Variants in KCNK13 observed in about 807,000 individuals in gnomAD.
KCNK13 encodes the protein potassium channel subfamily K member 13.
A neutral mutation model predicts 23.4 loss-of-function variants in KCNK13; 12 were observed. That is an observed-to-expected ratio of 0.51 (90% CI 0.33 to 0.83). The LOEUF is 0.83. KCNK13 is among the 40% of genes least tolerant of loss of function. The pLI is 0.02. For missense variants in KCNK13, 463 were observed against 556.3 expected, an observed-to-expected ratio of 0.83 and a Z score of 1.69; for synonymous variants, 231 against 229.5, an observed-to-expected ratio of 1.01 and a Z score of -0.06.
chr14:90,119,891 C>T (rs573589371), intron 1 of KCNK13, among the ~76,000 whole-genome samples: 1 of 152,324 alleles, frequency 6.6e-6, no homozygotes, highest in Admixed American at 6.5e-5. Context: ...TGGAGCACTG[C>T]ACCTGGCCTT....
At chr14:90,080,534 C>T (rs890662341) in intron 1 of KCNK13, among the ~76,000 whole-genome samples, 2 of 151,886 alleles carry the variant, frequency 1.3e-5, no homozygotes, top group African/African-American at 4.8e-5. Context: ...ACTAGAGGTT[C>T]CAGATGTCAA....
chr14:90,158,605 A>C (rs968372789), intron 1 of KCNK13, among the ~76,000 whole-genome samples: 3 of 152,202 alleles, frequency 2.0e-5, no homozygotes, highest in Non-Finnish European at 4.4e-5. Flanking sequence ...TGGAGAAAAA[A>C]TACATTTCAA....
chr14:90,143,452 T>C (rs1485014259), intron 1 of KCNK13, among the ~76,000 whole-genome samples: 1 of 152,150 alleles, frequency 6.6e-6, no homozygotes, highest in African/African-American at 2.4e-5. Flanking sequence ...CCCTTCAGCA[T>C]CTTTGTAAAG....
intron 1 of KCNK13, among the ~76,000 whole-genome samples, chr14:90,165,299 A>G (rs1229382272): frequency 6.6e-6 from 1 of 152,180 alleles, no homozygotes; most frequent in Non-Finnish European, 1.5e-5. Context: ...AGTGCTGATC[A>G]GGGTGGGGCT....
At chr14:90,178,259 A>ATACCCTGATGTGATTATTATTAT (rs1566653196) in intron 1 of KCNK13, among the ~76,000 whole-genome samples, 1 of 140,964 alleles carries the variant, frequency 7.1e-6, no homozygotes, top group African/African-American at 2.6e-5. Context: ...AAAAAAAAGG[A>ATACCCTGATGTGATTATTATTAT]TACCCTGATG....
intron 1 of KCNK13, among the ~76,000 whole-genome samples, chr14:90,117,021 AC>A (rs1364123769): frequency 6.6e-6 from 1 of 152,228 alleles, no homozygotes; most frequent in Non-Finnish European, 1.5e-5. Context: ...TTTATAAGGC[AC>A]AGTAAGAGAT....
chr14:90,148,056 G>A (rs758603964), intron 1 of KCNK13, among the ~76,000 whole-genome samples: 2 of 152,104 alleles, frequency 1.3e-5, no homozygotes, highest in African/African-American at 4.8e-5. Context: ...CAAGCTATTC[G>A]GGAGGCTGAG....
At chr14:90,113,945 AG>A (rs1889644866) in intron 1 of KCNK13, among the ~76,000 whole-genome samples, 1 of 152,034 alleles carries the variant, frequency 6.6e-6, no homozygotes, top group African/African-American at 2.4e-5. Flanking sequence ...AAGAAGAAGA[AG>A]AAAAAAAAAG....
intron 1 of KCNK13, among the ~76,000 whole-genome samples, chr14:90,163,296 T>C (rs1176484725): frequency 6.6e-6 from 1 of 152,154 alleles, no homozygotes; most frequent in African/African-American, 2.4e-5. Context: ...GCAAGTTAGG[T>C]GAATTCATTT....
At chr14:90,148,465 A>G (rs1004739852) in intron 1 of KCNK13, among the ~76,000 whole-genome samples, 1 of 152,236 alleles carries the variant, frequency 6.6e-6, no homozygotes, top group African/African-American at 2.4e-5. Flanking sequence ...GCTGCCACAG[A>G]TAAGAAAGGA....
intron 1 of KCNK13, among the ~76,000 whole-genome samples, chr14:90,164,895 G>A (rs922116127): frequency 1.3e-5 from 2 of 152,116 alleles, no homozygotes; most frequent in African/African-American, 2.4e-5. Context: ...TATACTGCTC[G>A]TTCATTTCTC....
chr14:90,075,206 A>G (rs987802870), intron 1 of KCNK13, among the ~76,000 whole-genome samples: 1 of 152,158 alleles, frequency 6.6e-6, no homozygotes, highest in African/African-American at 2.4e-5. Context: ...ATCAGAATGA[A>G]ATCATATCTA....
At chr14:90,115,359 C>A (rs1889664041) in intron 1 of KCNK13, among the ~76,000 whole-genome samples, 1 of 152,162 alleles carries the variant, frequency 6.6e-6, no homozygotes. Context: ...AACTGCATCA[C>A]CACAAAGCAC....
intron 1 of KCNK13, among the ~76,000 whole-genome samples, chr14:90,148,731 T>A (rs1161246234): frequency 6.6e-6 from 1 of 152,234 alleles, no homozygotes; most frequent in African/African-American, 2.4e-5. Flanking sequence ...TTTTATCGTA[T>A]GAGCAGAAGG....
rs545656618 is a variant in KCNK13 at position 90,075,439 on chromosome 14, A to G, written c.334+12900A>G. ...TCTACCTTGTATCATCACATCTTTTAACTGAGAGCCCATGACCTCTTTAAC... is the reference window on the plus strand; with the variant it reads ...TCTACCTTGTATCATCACATCTTTTGACTGAGAGCCCATGACCTCTTTAAC... On this transcript the variant is annotated intron_variant, in intron 1 of 1. Coordinates refer to ENST00000282146, the MANE Select transcript of KCNK13 (RefSeq NM_022054.4). Among the ~76,000 whole-genome samples, 245 of 152,164 alleles carry G rather than the reference A, an allele frequency of 1.6e-3. 5 individuals are homozygous for G. Among genetic ancestry groups the G allele is most frequent in the Non-Finnish European group, 2.8e-4 (19 of 68,004 alleles).
At chr14:90,112,566 T>C (rs541462704) in intron 1 of KCNK13, among the ~76,000 whole-genome samples, 21 of 152,282 alleles carry the variant, frequency 1.4e-4, no homozygotes, top group African/African-American at 5.1e-4. Context: ...GATAAAAAAA[T>C]TGTTGCAAAT....
chr14:90,131,256 G>A (rs1889866797), intron 1 of KCNK13, among the ~76,000 whole-genome samples: 2 of 151,842 alleles, frequency 1.3e-5, no homozygotes, highest in African/African-American at 4.8e-5. Context: ...TTTTGAGACA[G>A]AGTCTCACTC....
Position 90,067,225 on chromosome 14 carries a change from C to T in KCNK13, c.334+4686C>T, listed in dbSNP as rs866650236. 3.3e-5 allele frequency among the ~76,000 whole-genome samples: 5 copies of T among 152,030 alleles called. No homozygotes were observed. In the East Asian group the frequency reaches 5.8e-4, roughly 18 times the overall value. ...CAGAGGTTGCAGTGAGCTGAGATCGCGCCAATGCACTCCAGCCTGGGTGAC... is the reference window on the plus strand; with the variant it reads ...CAGAGGTTGCAGTGAGCTGAGATCGTGCCAATGCACTCCAGCCTGGGTGAC... On this transcript the variant is annotated intron_variant, in intron 1 of 1. Transcript: ENST00000282146.
chr14:90,145,992 G>T (rs1379118649), intron 1 of KCNK13, among the ~76,000 whole-genome samples: 1 of 145,468 alleles, frequency 6.9e-6, no homozygotes, highest in African/African-American at 2.5e-5. Flanking sequence ...AAAAGACCCT[G>T]TCTCAAAACA....
Sources: gnomAD v4.1 joint callset for allele counts (sites outside exome capture counted in the v4.1 genomes callset) on GRCh38, gnomAD v4.1.1 for gene constraint, MANE v1.5 for transcripts, NCBI Gene and HGNC (gene_info 2026-07-23, HGNC 2026-07-21) for gene names.